GPC5: variants seen among roughly 807,000 people sequenced by gnomAD.
The protein encoded by GPC5 is glypican-5.
GPC5 carries 47 observed loss-of-function variants against 53.9 expected under a neutral mutation model. That is an observed-to-expected ratio of 0.87 (90% CI 0.69 to 1.11). The LOEUF is 1.11. GPC5 is among the 50% of genes most tolerant of loss of function. The probability of loss-of-function intolerance (pLI) is 0.00; values close to 1 mark genes in which losing one functional copy is unlikely to be tolerated. For synonymous variants in GPC5, 286 were observed against 263.3 expected (o/e 1.09, Z -0.84); for missense variants, 748 against 713.1 (o/e 1.05, Z -0.56).
chr13:91,624,695 A>G (rs976895212), intron 2 of GPC5, among the ~76,000 whole-genome samples: 1 of 152,014 alleles, frequency 6.6e-6, no homozygotes, highest in Non-Finnish European at 1.5e-5. Context: ...TATCATAATA[A>G]AATAAAGTTA....
chr13:91,891,717 T>A (rs530558201), intron 5 of GPC5, among the ~76,000 whole-genome samples: 2 of 152,298 alleles, frequency 1.3e-5, no homozygotes, highest in South Asian at 4.1e-4. Context: ...TCATAAAACA[T>A]TATTTTCATC....
chr13:92,545,336 T>G (rs1212180621), intron 7 of GPC5, among the ~76,000 whole-genome samples: 10 of 152,206 alleles, frequency 6.6e-5, no homozygotes, highest in Admixed American at 1.3e-4. Flanking sequence ...ACATCTGGGT[T>G]GGTTCCAATT....
At chr13:92,164,452 A>C (rs2042012651) in intron 7 of GPC5, among the ~76,000 whole-genome samples, 1 of 152,188 alleles carries the variant, frequency 6.6e-6, no homozygotes, top group African/African-American at 2.4e-5. Context: ...ATTTAATCTT[A>C]AAATTCCAAA....
At chr13:92,320,521 G>A (rs1441548256) in intron 7 of GPC5, among the ~76,000 whole-genome samples, 2 of 152,000 alleles carry the variant, frequency 1.3e-5, no homozygotes, top group African/African-American at 4.8e-5. Flanking sequence ...TGTTTAAAAG[G>A]CCATATAAAT....
intron 7 of GPC5, among the ~76,000 whole-genome samples, chr13:92,801,130 AGT>A (rs1170517230): frequency 1.3e-5 from 2 of 151,056 alleles, no homozygotes; most frequent in Admixed American, 6.6e-5. Context: ...GTGTGTGTGT[AGT>A]GTGTGTGTGT....
At chr13:92,133,954 G>C (rs1432001193) in intron 6 of GPC5, among the ~76,000 whole-genome samples, 1 of 152,084 alleles carries the variant, frequency 6.6e-6, no homozygotes, top group Admixed American at 6.6e-5. Context: ...CAGATGAGTT[G>C]AGGGACGAAA....
intron 1 of GPC5, among the ~76,000 whole-genome samples, chr13:91,436,222 G>C (rs1179144924): frequency 3.3e-5 from 5 of 151,334 alleles, no homozygotes; most frequent in East Asian, 1.9e-4. Context: ...TTCTTGCCTT[G>C]TGCTAGCTTT....
chr13:91,721,201 C>T (rs1298244037), intron 3 of GPC5, among the ~76,000 whole-genome samples: 1 of 151,826 alleles, frequency 6.6e-6, no homozygotes, highest in African/African-American at 2.4e-5. Flanking sequence ...ATGGTGCAAT[C>T]TCAGCTCACT....
rs927050731 is a variant in GPC5, at chr13:92,424,844, A to C, written c.1561+279855A>C. 3.9e-5 allele frequency among the ~76,000 whole-genome samples: 6 copies of C among 152,010 alleles called. No individual in the cohort carries two copies. In the South Asian group the frequency reaches 1.2e-3, roughly 32 times the overall value. The stretch of plus-strand genomic sequence containing the variant: ...CATTCATTCATTCATTCATTCATTC[A>C]TTGAACATGTACTGAGTCCTACTAT... On this transcript the variant is annotated intron_variant, in intron 7 of 7. Transcript: ENST00000377067.
chr13:91,486,166 C>T (rs1883597608), intron 2 of GPC5: 1 of 152,210 alleles, frequency 6.6e-6, no homozygotes, highest in South Asian at 2.1e-4. Context: ...TGTATAGTTA[C>T]CTGGGTAACC....
chr13:92,417,137 T>C (rs1427707811), intron 7 of GPC5, among the ~76,000 whole-genome samples: 1 of 152,050 alleles, frequency 6.6e-6, no homozygotes, highest in South Asian at 2.1e-4. Flanking sequence ...ATAAAAAAAA[T>C]CATAAGTCAA....
Position 92,125,923 on chromosome 13 carries a change from G to GTTTTTTTTTTTTTTTTTTTTTTTT in GPC5, c.1402-18907_1402-18906insTTTTTTTTTTTTTTTTTTTTTTTT, listed in dbSNP as rs1566446337. ...ATTAGAAAGGAAACATTTGTTTTTT[G>GTTTTTTTTTTTTTTTTTTTTTTTT]GTTTTTTTTTTTTTTTTTTTTTTTT... On this transcript the variant is annotated intron_variant, in intron 6 of 7. Transcript: ENST00000377067. Among the ~76,000 whole-genome samples the GTTTTTTTTTTTTTTTTTTTTTTTT allele has an allele frequency of 7.2e-5, 3 of 41,536 alleles. 1 individual carries two copies. The allele number at this position is 41,536 out of a possible 152,430, so 27.2% of individuals were successfully genotyped here.
intron 7 of GPC5, among the ~76,000 whole-genome samples, chr13:92,283,564 G>T: frequency 6.6e-6 from 1 of 152,082 alleles, no homozygotes; most frequent in Non-Finnish European, 1.5e-5. Flanking sequence ...AGTGCAATCA[G>T]ACTAGAACTC....
intron 2 of GPC5, among the ~76,000 whole-genome samples, chr13:91,498,608 G>A (rs918711003): frequency 3.3e-5 from 5 of 152,110 alleles, no homozygotes; most frequent in African/African-American, 4.8e-5. Context: ...TTTAAATATG[G>A]CAGTAAAATA....
chr13:92,000,846 G>A (rs750670216), intron 6 of GPC5, among the ~76,000 whole-genome samples: 2 of 152,132 alleles, frequency 1.3e-5, no homozygotes, highest in Non-Finnish European at 2.9e-5. Flanking sequence ...TATATGTAAG[G>A]CTAGGCAATG....
intron 5 of GPC5, among the ~76,000 whole-genome samples, chr13:91,847,437 A>G (rs927851596): frequency 1.3e-5 from 2 of 152,050 alleles, no homozygotes; most frequent in African/African-American, 4.8e-5. Flanking sequence ...CATAGAGTTC[A>G]ACTGAAAAAA....
At chr13:92,733,234 TAGAG>T (rs1888853588) in intron 7 of GPC5, among the ~76,000 whole-genome samples, 1 of 151,738 alleles carries the variant, frequency 6.6e-6, no homozygotes. Flanking sequence ...AATGAAGATG[TAGAG>T]GAGCAATTGA....
chr13:91,910,571 C>G lies in GPC5; in HGVS notation c.1401+2514C>G, dbSNP rs181547240. Reference sequence around the variant, plus strand: ...TATATTAAAGAATATGGAAGTAAGTCAGCCATAATAGCAAAAATTGCCTGC... The same window carrying G: ...TATATTAAAGAATATGGAAGTAAGTGAGCCATAATAGCAAAAATTGCCTGC... On this transcript the variant is annotated intron_variant, in intron 6 of 7. Transcript: ENST00000377067. 3.4e-3 allele frequency among the ~76,000 whole-genome samples: 515 copies of G among 152,244 alleles called. 2 individuals carry two copies. The highest frequency in any genetic ancestry group is 0.012 in the African/African-American group (499 of 41,548).
chr13:91,828,538 T>C (rs1198707503), intron 5 of GPC5, among the ~76,000 whole-genome samples: 2 of 151,990 alleles, frequency 1.3e-5, no homozygotes, highest in South Asian at 2.1e-4. Context: ...CCAATAAAAA[T>C]AATGAGGACT....
Sources: allele counts gnomAD v4.1 joint callset (sites outside exome capture counted in the v4.1 genomes callset), GRCh38; gene constraint gnomAD v4.1.1; transcripts MANE v1.5; gene names NCBI Gene and HGNC (gene_info 2026-07-23, HGNC 2026-07-21).